ASAP1: variants seen among roughly 807,000 people sequenced by gnomAD.
ASAP1 encodes the protein arf-GAP with SH3 domain, ANK repeat and PH domain-containing protein 1.
In ASAP1, 43 loss-of-function variants were observed where a neutral mutation model predicts 145.2. That is an observed-to-expected ratio of 0.30 (90% CI 0.23 to 0.38). The LOEUF (loss-of-function observed/expected upper bound fraction) is 0.38. Among genes scored for constraint, ASAP1 ranks in the 10% least tolerant of loss-of-function variants. ASAP1 has a pLI of 1.00. For synonymous variants in ASAP1, 546 were observed against 515.5 expected (o/e 1.06, Z -0.80); for missense variants, 1,018 against 1,355.3 (o/e 0.75, Z 3.91).
chr8:130,342,835 C>T (rs1229784191), intron 3 of ASAP1, among the ~76,000 whole-genome samples: 1 of 152,154 alleles, frequency 6.6e-6, no homozygotes, highest in Non-Finnish European at 1.5e-5. Context: ...TGGTTGCCCC[C>T]CACCCTACAC....
chr8:130,152,268 G>A (rs1419947486), intron 13 of ASAP1, among the ~76,000 whole-genome samples: 5 of 152,074 alleles, frequency 3.3e-5, no homozygotes, highest in African/African-American at 1.2e-4. Flanking sequence ...ATTCCTGCTT[G>A]GTACATTTTC....
At chr8:130,095,294 A>ATTT (rs71302392) in intron 24 of ASAP1, among the ~76,000 whole-genome samples, 39 of 95,698 alleles carry the variant, frequency 4.1e-4, no homozygotes, top group African/African-American at 8.6e-4. Context: ...TAGGCCAGTG[A>ATTT]TTTTTTTTTT....
chr8:130,303,389 G>A (rs1586791713), intron 3 of ASAP1, among the ~76,000 whole-genome samples: 1 of 152,140 alleles, frequency 6.6e-6, no homozygotes, highest in Admixed American at 6.5e-5. Flanking sequence ...TCTTTGTTGC[G>A]GGGGTCTCCT....
chr8:130,379,136 TA>T (rs1215285429), intron 2 of ASAP1, among the ~76,000 whole-genome samples: 2 of 152,036 alleles, frequency 1.3e-5, no homozygotes, highest in African/African-American at 4.8e-5. Context: ...GAAACCTCCA[TA>T]AAAACCCCTA....
At chr8:130,272,382 A>C (rs1820638845) in intron 3 of ASAP1, among the ~76,000 whole-genome samples, 1 of 152,190 alleles carries the variant, frequency 6.6e-6, no homozygotes, top group Admixed American at 6.5e-5. Flanking sequence ...GTAACTCTAC[A>C]CATCGTTGGT....
intron 3 of ASAP1, among the ~76,000 whole-genome samples, chr8:130,345,416 C>T (rs1825649269): frequency 6.6e-6 from 1 of 152,184 alleles, no homozygotes; most frequent in Non-Finnish European, 1.5e-5. Flanking sequence ...GGGAAAAATG[C>T]TTTCCTTTTC....
intron 3 of ASAP1, among the ~76,000 whole-genome samples, chr8:130,302,539 T>A (rs1375981424): frequency 6.6e-6 from 1 of 152,206 alleles, no homozygotes; most frequent in African/African-American, 2.4e-5. Context: ...AGGCCTCTAA[T>A]GGGCACTGAA....
intron 3 of ASAP1, among the ~76,000 whole-genome samples, chr8:130,237,627 A>C (rs1818291930): frequency 6.6e-6 from 1 of 152,134 alleles, no homozygotes; most frequent in Non-Finnish European, 1.5e-5. Context: ...ATGATGAATC[A>C]ACACATTAAT....
At chr8:130,105,863 G>C (rs1206667331) in intron 24 of ASAP1, among the ~76,000 whole-genome samples, 1 of 152,196 alleles carries the variant, frequency 6.6e-6, no homozygotes, top group Non-Finnish European at 1.5e-5. Flanking sequence ...ACAGGAAACA[G>C]CATTAGCTAT....
intron 5 of ASAP1, among the ~76,000 whole-genome samples, chr8:130,199,022 G>C (rs144917404): frequency 6.6e-6 from 1 of 152,136 alleles, no homozygotes; most frequent in East Asian, 1.9e-4. Context: ...ACTCTGTCTG[G>C]AACACTCTTC....
intron 1 of ASAP1, among the ~76,000 whole-genome samples, chr8:130,409,724 AC>A (rs1484179399): frequency 6.6e-6 from 1 of 152,228 alleles, no homozygotes; most frequent in Non-Finnish European, 1.5e-5. Flanking sequence ...TCAAATGATA[AC>A]AATCAAAGAT....
intron 3 of ASAP1, among the ~76,000 whole-genome samples, chr8:130,283,453 G>A (rs187368012): frequency 1.4e-4 from 21 of 151,952 alleles, no homozygotes; most frequent in South Asian, 4.1e-4. Flanking sequence ...TGGCATGCGC[G>A]CCTGTAGTCC....
At chr8:130,090,939 A>G (rs966661986) in intron 25 of ASAP1, among the ~76,000 whole-genome samples, 1 of 152,242 alleles carries the variant, frequency 6.6e-6, no homozygotes, top group Non-Finnish European at 1.5e-5. Context: ...AAGAGGTGAG[A>G]CACACAAACT....
intron 4 of ASAP1, among the ~76,000 whole-genome samples, chr8:130,226,333 T>C (rs1817585669): frequency 6.6e-6 from 1 of 152,218 alleles, no homozygotes; most frequent in Non-Finnish European, 1.5e-5. Flanking sequence ...AAACTCTTTA[T>C]TTTCTTATCT....
At chr8:130,189,937 C>T (rs1434519053) in intron 5 of ASAP1, among the ~76,000 whole-genome samples, 1 of 152,082 alleles carries the variant, frequency 6.6e-6, no homozygotes, top group Non-Finnish European at 1.5e-5. Flanking sequence ...ACCTGTGGGC[C>T]ATTTGTAGGT....
At chr8:130,122,417 G>A (rs2097567886) in intron 18 of ASAP1, among the ~76,000 whole-genome samples, 1 of 152,076 alleles carries the variant, frequency 6.6e-6, no homozygotes, top group African/African-American at 2.4e-5. Flanking sequence ...CTGGGTCACT[G>A]GCCAAACAAG....
intron 9 of ASAP1, among the ~76,000 whole-genome samples, chr8:130,169,769 C>G (rs1813453747): frequency 6.6e-6 from 1 of 152,196 alleles, no homozygotes; most frequent in South Asian, 2.1e-4. Flanking sequence ...ACTTCAATCT[C>G]ATCTCCATTT....
chr8:130,179,586 C>T (rs1814205640), intron 8 of ASAP1, among the ~76,000 whole-genome samples: 1 of 152,102 alleles, frequency 6.6e-6, no homozygotes, highest in Non-Finnish European at 1.5e-5. Context: ...AGAAATAAAA[C>T]ACAGCAAAAC....
chr8:130,126,578 A>G (rs2097575292), intron 16 of ASAP1, among the ~76,000 whole-genome samples: 1 of 152,152 alleles, frequency 6.6e-6, no homozygotes, highest in Non-Finnish European at 1.5e-5. Flanking sequence ...TCAGTGACCT[A>G]AGGCCTTTTT....
Sources: gnomAD v4.1 joint callset for allele counts (sites outside exome capture counted in the v4.1 genomes callset) on GRCh38, gnomAD v4.1.1 for gene constraint, MANE v1.5 for transcripts, NCBI Gene and HGNC (gene_info 2026-07-23, HGNC 2026-07-21) for gene names.